Variants in CPVL observed in about 807,000 individuals in gnomAD.
CPVL encodes the protein carboxypeptidase vitellogenic like.
In CPVL, 51 loss-of-function variants were observed where a neutral mutation model predicts 63.7. That is an observed-to-expected ratio of 0.80 (90% CI 0.64 to 1.01). CPVL has a LOEUF of 1.01. CPVL is among the 50% of genes least tolerant of loss of function. The probability of loss-of-function intolerance (pLI) is 0.00; values close to 1 mark genes in which losing one functional copy is unlikely to be tolerated. For missense variants in CPVL, 530 were observed against 573.1 expected (o/e 0.92, Z 0.77); for synonymous variants, 195 against 206.0 (o/e 0.95, Z 0.46).
intron 2 of CPVL, among the ~76,000 whole-genome samples, chr7:29,115,999 G>A (rs2128634754): frequency 6.6e-6 from 1 of 152,270 alleles, no homozygotes; most frequent in Middle Eastern, 3.4e-3. Context: ...TAGGTCAGGA[G>A]GTTGGAAAGT....
intron 3 of CPVL, among the ~76,000 whole-genome samples, chr7:29,098,860 C>T (rs1786736051): frequency 1.3e-5 from 2 of 152,106 alleles, no homozygotes; most frequent in South Asian, 4.2e-4. Context: ...GTCAAGAGTT[C>T]GAGACCAGCC....
intron 7 of CPVL, chr7:29,082,336 C>T (rs1392463996): frequency 6.6e-6 from 1 of 152,008 alleles, no homozygotes; most frequent in East Asian, 1.9e-4. Flanking sequence ...AAAGCAGAGG[C>T]CCAGGGAGGC....
At chr7:29,031,873 A>G (rs989526175) in intron 11 of CPVL, among the ~76,000 whole-genome samples, 4 of 152,220 alleles carry the variant, frequency 2.6e-5, no homozygotes. Context: ...CAGAAAGTCA[A>G]GTATAATGTA....
At chr7:29,129,167 C>T (rs1790407787) in intron 1 of CPVL, among the ~76,000 whole-genome samples, 3 of 152,038 alleles carry the variant, frequency 2.0e-5, no homozygotes, top group African/African-American at 7.3e-5. Context: ...ACTGTTATAA[C>T]CCAAGAGATA....
intron 11 of CPVL, among the ~76,000 whole-genome samples, chr7:29,041,085 T>C (rs1789035467): frequency 6.6e-6 from 1 of 151,612 alleles, no homozygotes. Context: ...TCTGATCCCC[T>C]TGCCTCTCAA....
chr7:29,032,107 T>C (rs754863710), intron 11 of CPVL, among the ~76,000 whole-genome samples: 14 of 152,152 alleles, frequency 9.2e-5, no homozygotes, highest in Non-Finnish European at 2.1e-4. Context: ...TTTGATCTAT[T>C]TGAAGGCTCT....
Position 29,146,436 on chromosome 7 carries a change from A to T in CPVL, c.-18T>A. On this transcript the variant is annotated 5_prime_UTR_variant, in exon 1 of 13. Coordinates refer to ENST00000265394, the MANE Select transcript of CPVL (RefSeq NM_031311.5). ...AGGGCAGGCGGCACTTACGCGGCGC[A>T]GTCGGTGCTCCTCCCTGAGCCGCGG... 1 of 1,222,100 alleles carries T rather than the reference A, an allele frequency of 8.2e-7. No homozygotes were observed. Among genetic ancestry groups the T allele is most frequent in the Non-Finnish European group, 1.1e-6 (1 of 906,150 alleles). The allele number at this position is 1,222,100 out of a possible 1,614,324, so 75.7% of individuals were successfully genotyped here.
chr7:29,020,546 T>G (rs1339460854), intron 12 of CPVL, among the ~76,000 whole-genome samples: 1 of 152,182 alleles, frequency 6.6e-6, no homozygotes, highest in Non-Finnish European at 1.5e-5. Context: ...CTAAGCTTAT[T>G]AACTTATCCA....
In CPVL at chr7:29,075,390, A is replaced by C. The variant is rs145840674; in HGVS notation, c.610-2967T>G. ...CCAATATTTTACAGTGATGAAAACAAGGGCCCGTGCATTTCATTCACATGC... is the reference window on the plus strand; with the variant it reads ...CCAATATTTTACAGTGATGAAAACACGGGCCCGTGCATTTCATTCACATGC... On this transcript the variant is annotated intron_variant, in intron 7 of 12. Transcript: ENST00000265394. Among the ~76,000 whole-genome samples the C allele has an allele frequency of 2.0e-3, 306 of 152,260 alleles. 2 individuals are homozygous for C. The highest frequency in any genetic ancestry group is 6.9e-3 in the African/African-American group (285 of 41,546).
chr7:29,175,974 C>A (rs1008733515), intron 5 of CPVL, among the ~76,000 whole-genome samples: 40 of 152,168 alleles, frequency 2.6e-4, no homozygotes, highest in African/African-American at 9.4e-4. Flanking sequence ...ATCACAAGGT[C>A]AGGAGATCAA....
intron 7 of CPVL, among the ~76,000 whole-genome samples, chr7:29,074,241 A>G (rs1017360411): frequency 6.6e-6 from 1 of 152,216 alleles, no homozygotes; most frequent in African/African-American, 2.4e-5. Flanking sequence ...TCTCTTGTGC[A>G]ATAATAATTA....
intron 5 of CPVL, among the ~76,000 whole-genome samples, chr7:29,094,327 T>A (rs1786170074): frequency 6.6e-6 from 1 of 151,118 alleles, no homozygotes. Flanking sequence ...GGTGACAGAG[T>A]GAGATTCATC....
chr7:29,076,105 C>T (rs1784222070), intron 7 of CPVL, among the ~76,000 whole-genome samples: 1 of 151,962 alleles, frequency 6.6e-6, no homozygotes, highest in Admixed American at 6.6e-5. Flanking sequence ...TTGCCTTTTC[C>T]TGTATATATT....
At chr7:29,163,015 A>G (rs1795396365) in intron 5 of CPVL, among the ~76,000 whole-genome samples, 1 of 152,246 alleles carries the variant, frequency 6.6e-6, no homozygotes, top group African/African-American at 2.4e-5. Context: ...AATTGTACCA[A>G]TCAATATCCT....
intron 11 of CPVL, among the ~76,000 whole-genome samples, chr7:29,049,464 G>A (rs1789938917): frequency 6.6e-6 from 1 of 151,998 alleles, no homozygotes; most frequent in Admixed American, 6.6e-5. Context: ...GCTTAAATCA[G>A]GAAGAATTAG....
At chr7:29,195,200 G>A (rs1783523621) in exon 1 of CPVL, 5 of 495,016 alleles carry the variant, frequency 1.0e-5, no homozygotes, top group Non-Finnish European at 1.7e-5. Context: ...GCAGAGGTGG[G>A]AGAGCGGTGG....
At chr7:29,129,525 A>T (rs77033864) in intron 1 of CPVL, among the ~76,000 whole-genome samples, 2 of 148,910 alleles carry the variant, frequency 1.3e-5, no homozygotes, top group African/African-American at 5.0e-5. Context: ...GGTGGAGTGC[A>T]GTGGCACGAT....
intron 3 of CPVL, among the ~76,000 whole-genome samples, chr7:29,102,786 G>T (rs1787284684): frequency 6.6e-6 from 1 of 152,174 alleles, no homozygotes; most frequent in South Asian, 2.1e-4. Flanking sequence ...TTTCCTCAGG[G>T]TTTCTTCCAG....
At chr7:29,015,647 GA>G (rs1296907661) in intron 12 of CPVL, among the ~76,000 whole-genome samples, 2 of 152,116 alleles carry the variant, frequency 1.3e-5, no homozygotes, top group African/African-American at 4.8e-5. Flanking sequence ...TCTTTTCTTA[GA>G]AATTACCCTG....
Sources: gnomAD v4.1 joint callset for allele counts (sites outside exome capture counted in the v4.1 genomes callset) on GRCh38, gnomAD v4.1.1 for gene constraint, MANE v1.5 for transcripts, NCBI Gene and HGNC (gene_info 2026-07-23, HGNC 2026-07-21) for gene names.